ZMPSTE24: variants seen among roughly 807,000 people sequenced by gnomAD.
ZMPSTE24 encodes the protein CAAX prenyl protease 1 homolog.
ZMPSTE24 carries 48 observed loss-of-function variants against 56.7 expected under a neutral mutation model. The observed-to-expected ratio is 0.85, with a 90% CI of 0.67 to 1.08. The LOEUF (loss-of-function observed/expected upper bound fraction) is 1.08. ZMPSTE24 is among the 50% of genes least tolerant of loss of function. The pLI is 0.00. For synonymous variants in ZMPSTE24, 172 were observed against 195.2 expected (o/e 0.88, Z 0.99); for missense variants, 503 against 548.7 (o/e 0.92, Z 0.83).
rs397979953 is a variant in ZMPSTE24 at position 40,278,557 on chromosome 1, C to CAAAAAAAAAAAAAAAA, written c.770-2772_770-2757dup. 8.2e-4 allele frequency among the ~76,000 whole-genome samples: 16 copies of CAAAAAAAAAAAAAAAA among 19,560 alleles called. 1 individual carries two copies. The highest frequency in any genetic ancestry group is 1.1e-3 in the East Asian group (1 of 910). 12.8% of individuals were successfully genotyped at this position (19,560 alleles called of 152,430 possible). The stretch of plus-strand genomic sequence containing the variant: ...TGGGCGACAGAGTGAGACTCCGTCT[C>CAAAAAAAAAAAAAAAA]AAAAAAAAAAAAAAAAAAAAAAAAA... On this transcript the variant is annotated intron_variant, in intron 6 of 9. Coordinates refer to ENST00000372759, the MANE Select transcript of ZMPSTE24 (RefSeq NM_005857.5).
chr1:40,283,145 GA>G (rs1478227898), intron 7 of ZMPSTE24, among the ~76,000 whole-genome samples: 4 of 152,184 alleles, frequency 2.6e-5, no homozygotes, highest in African/African-American at 9.6e-5. Context: ...TTATAAATAG[GA>G]AAACTGAAGT....
intron 9 of ZMPSTE24, among the ~76,000 whole-genome samples, chr1:40,292,178 A>G (rs1477008530): frequency 1.3e-5 from 2 of 152,154 alleles, no homozygotes; most frequent in African/African-American, 4.8e-5. Flanking sequence ...AGCACTCAAA[A>G]GTTTCAGATT....
chr1:40,279,919 T>C (rs990537979), intron 6 of ZMPSTE24, among the ~76,000 whole-genome samples: 19 of 152,170 alleles, frequency 1.2e-4, no homozygotes, highest in Admixed American at 1.2e-3. Flanking sequence ...GCTTTGGAGC[T>C]TCTTCTGTGT....
At chr1:40,267,121 GT>G (rs999100013) in intron 2 of ZMPSTE24, among the ~76,000 whole-genome samples, 1 of 150,570 alleles carries the variant, frequency 6.6e-6, no homozygotes, top group African/African-American at 2.4e-5. Context: ...TTGACAAAAG[GT>G]TTTTTTTTGT....
At chr1:40,272,959 T>C (rs895367528) in intron 6 of ZMPSTE24, among the ~76,000 whole-genome samples, 1 of 152,242 alleles carries the variant, frequency 6.6e-6, no homozygotes, top group Admixed American at 6.5e-5. Context: ...TCAGTGCTAC[T>C]ATTATAGCGC....
intron 6 of ZMPSTE24, among the ~76,000 whole-genome samples, chr1:40,277,563 G>T (rs1050310588): frequency 6.6e-6 from 1 of 152,080 alleles, no homozygotes; most frequent in Non-Finnish European, 1.5e-5. Flanking sequence ...TACCTGGACC[G>T]GTGGGAGATA....
At position 40,293,871 on chromosome 1, in the gene ZMPSTE24, C is replaced by CTT. The variant is rs1431115142; in HGVS notation, c.*1203_*1204dup. ...CTAGAGCTCTCACTCACTGATAATG[C>CTT]TTATTACCTTCTGGGCATTTATTCC... On this transcript the variant is annotated 3_prime_UTR_variant, in exon 10 of 10. Coordinates refer to ENST00000372759, the MANE Select transcript of ZMPSTE24 (RefSeq NM_005857.5). 1.3e-5 allele frequency: 2 copies of CTT among 152,224 alleles called. No individual in the cohort carries two copies. The allele number at this position is 152,224 out of a possible 1,614,324, so 9.4% of individuals were successfully genotyped here.
intron 8 of ZMPSTE24, among the ~76,000 whole-genome samples, chr1:40,286,985 G>C (rs761438705): frequency 2.6e-5 from 4 of 152,016 alleles, no homozygotes; most frequent in Non-Finnish European, 5.9e-5. Context: ...GCCTGCCTCA[G>C]CCTCCCAAAT....
chr1:40,263,181 C>G (rs1643515723), intron 2 of ZMPSTE24, among the ~76,000 whole-genome samples: 1 of 152,092 alleles, frequency 6.6e-6, no homozygotes. Context: ...TAGGGGATGA[C>G]AGAAATAGGG....
At chr1:40,290,135 G>C (rs1643825981) in intron 8 of ZMPSTE24, among the ~76,000 whole-genome samples, 1 of 152,080 alleles carries the variant, frequency 6.6e-6, no homozygotes, top group African/African-American at 2.4e-5. Flanking sequence ...TGTAATCCCA[G>C]CACTTTGGGA....
chr1:40,280,894 A>G (rs1193664641), intron 6 of ZMPSTE24, among the ~76,000 whole-genome samples: 3 of 152,262 alleles, frequency 2.0e-5, no homozygotes, highest in African/African-American at 7.2e-5. Context: ...GCAAATTTCA[A>G]CAATGCAAAA....
At chr1:40,285,740 T>A (rs889257042) in intron 7 of ZMPSTE24, among the ~76,000 whole-genome samples, 185 bp from the exon 8 acceptor site, 3 of 152,186 alleles carry the variant, frequency 2.0e-5, no homozygotes, top group African/African-American at 7.2e-5. Flanking sequence ...CTATCTATCT[T>A]CAGTGCTTAA....
chr1:40,264,968 A>G (rs537705883), intron 2 of ZMPSTE24, among the ~76,000 whole-genome samples: 2 of 152,100 alleles, frequency 1.3e-5, no homozygotes, highest in South Asian at 4.1e-4. Flanking sequence ...ATTTTGCCAT[A>G]GAACAACCCT....
intron 7 of ZMPSTE24, 42 bp downstream of exon 7, chr1:40,281,569 A>G (rs1230449246): frequency 1.3e-6 from 2 of 1,587,638 alleles, no homozygotes; most frequent in Non-Finnish European, 1.7e-6. Context: ...TAGTTTTTAT[A>G]CACAGTTCCT....
At chr1:40,268,103 G>C (rs1361009471) in intron 3 of ZMPSTE24, among the ~76,000 whole-genome samples, 1 of 152,184 alleles carries the variant, frequency 6.6e-6, no homozygotes, top group East Asian at 1.9e-4. Context: ...TCCAGTGTGA[G>C]TATTTTTAGT....
At chr1:40,261,461 C>T (rs1204597450) in intron 2 of ZMPSTE24, among the ~76,000 whole-genome samples, 1 of 151,612 alleles carries the variant, frequency 6.6e-6, no homozygotes, top group Non-Finnish European at 1.5e-5. Flanking sequence ...ATGATCCTCC[C>T]ACCTCAGCCT....
At chr1:40,268,788 A>G (rs1643582276) in intron 4 of ZMPSTE24, among the ~76,000 whole-genome samples, 4 of 152,210 alleles carry the variant, frequency 2.6e-5, no homozygotes, top group African/African-American at 9.6e-5. Context: ...TAAAAAAAAA[A>G]TACTTAAGGC....
chr1:40,259,286 A>G (rs1643471741), intron 1 of ZMPSTE24: 1 of 152,174 alleles, frequency 6.6e-6, no homozygotes, highest in African/African-American at 2.4e-5. Flanking sequence ...TGAGATAACC[A>G]TGGTTTAGAG....
At chr1:40,291,074 A>G in intron 9 of ZMPSTE24, 77 bp downstream of exon 9, 1 of 1,557,612 alleles carries the variant, frequency 6.4e-7, no homozygotes. Context: ...ATAGTGAAAA[A>G]GGAAATAGAA....
Sources: allele counts gnomAD v4.1 joint callset (sites outside exome capture counted in the v4.1 genomes callset), GRCh38; gene constraint gnomAD v4.1.1; transcripts MANE v1.5; gene names NCBI Gene and HGNC (gene_info 2026-07-23, HGNC 2026-07-21).